Variants in ACOT7 observed in about 807,000 individuals in gnomAD.
ACOT7 encodes the protein cytosolic acyl coenzyme A thioester hydrolase.
A neutral mutation model predicts 40.2 loss-of-function variants in ACOT7; 12 were observed. That is an observed-to-expected ratio of 0.30 (90% CI 0.19 to 0.48). The LOEUF (loss-of-function observed/expected upper bound fraction) is 0.48. Ranked by LOEUF, ACOT7 falls within the 20% of genes least tolerant of loss-of-function variation. The pLI, the probability that ACOT7 is intolerant of heterozygous loss-of-function variation, is 0.99. For missense variants in ACOT7, 395 were observed against 530.8 expected, an observed-to-expected ratio of 0.74 and a Z score of 2.51; for synonymous variants, 228 against 219.5, an observed-to-expected ratio of 1.04 and a Z score of -0.34.
At position 6,369,145 on chromosome 1, in the gene ACOT7, A is replaced by G. The variant is rs529590652; in HGVS notation, c.144-19279T>C. Among the ~76,000 whole-genome samples, 130 of 151,750 alleles carry G rather than the reference A, an allele frequency of 8.6e-4. 1 individual carries two copies. Among genetic ancestry groups the G allele is most frequent in the African/African-American group, 3.1e-3 (129 of 41,400 alleles). ...ATTACACACACATGCCACCACATCT[A>G]GCTACGTTTTGTATTAGTAGAGACG... On this transcript the variant is annotated intron_variant, in intron 1 of 8. Transcript: ENST00000361521.
chr1:6,342,330 C>A (rs573135564), intron 2 of ACOT7, among the ~76,000 whole-genome samples: 1 of 152,228 alleles, frequency 6.6e-6, no homozygotes, highest in African/African-American at 2.4e-5. Flanking sequence ...GCCCCACCCC[C>A]TAATACCATC....
At position 6,282,987 on chromosome 1, in the gene ACOT7, C is replaced by T; in HGVS notation, c.830-1701G>A. 2.2e-6 allele frequency: 1 copy of T among 450,986 alleles called. No individual in the cohort carries two copies. The allele number at this position is 450,986 out of a possible 1,614,324, so 27.9% of individuals were successfully genotyped here. A position where few individuals can be genotyped will look rare whatever the true frequency, so the allele number is the denominator to read the frequency against. On this transcript the variant is annotated intron_variant, in intron 7 of 8. Transcript: ENST00000361521. The surrounding 1 kb of genome is among the most constrained non-coding windows in gnomAD (Gnocchi z 4.5). ...ATCCCTCACCAACAATTGTGTATAA[C>T]ACTTGGGAGTCACAGGCCAAAAAGC...
At chr1:6,366,019 C>A (rs1642002965) in intron 1 of ACOT7, among the ~76,000 whole-genome samples, 1 of 151,682 alleles carries the variant, frequency 6.6e-6, no homozygotes, top group Non-Finnish European at 1.5e-5. Context: ...CTCAGCCTCC[C>A]AAGTAGCTAG....
At chr1:6,332,904 A>C (rs1641000145) in intron 4 of ACOT7, among the ~76,000 whole-genome samples, 1 of 152,220 alleles carries the variant, frequency 6.6e-6, no homozygotes, top group South Asian at 2.1e-4. Context: ...GAAATGAGAG[A>C]AACACAGAGA....
At chr1:6,366,411 TG>T (rs1233404783) in intron 1 of ACOT7, among the ~76,000 whole-genome samples, 1 of 151,834 alleles carries the variant, frequency 6.6e-6, no homozygotes, top group Non-Finnish European at 1.5e-5. Context: ...AAGGAGATGC[TG>T]TCTCTAAAAA....
intron 1 of ACOT7, among the ~76,000 whole-genome samples, chr1:6,353,470 C>T (rs1641653603): frequency 6.6e-6 from 1 of 152,136 alleles, no homozygotes; most frequent in Admixed American, 6.5e-5. Flanking sequence ...CCCATCTCTA[C>T]TAAAAATACA....
At chr1:6,354,800 C>G (rs1321403752) in intron 1 of ACOT7, among the ~76,000 whole-genome samples, 1 of 115,058 alleles carries the variant, frequency 8.7e-6, no homozygotes, top group Non-Finnish European at 1.8e-5. Context: ...ACACTGGCCT[C>G]TAGCCCTCCC....
rs1276632641 is a variant in ACOT7, at chr1:6,350,000, G to A, written c.144-134C>T. ...GGAAAGAGAACCTTCCCAATGTTTG[G>A]GCTCTTCCTAGGTGGTGTGTTCGTC... On this transcript the variant is annotated intron_variant, in intron 1 of 8. Coordinates refer to ENST00000361521, the MANE Select transcript of ACOT7 (RefSeq NM_007274.4). 9.2e-6 allele frequency: 8 copies of A among 866,734 alleles called. No homozygotes were observed. The East Asian group carries it at 2.1e-4, about 22-fold the overall frequency. The allele number at this position is 866,734 out of a possible 1,614,324, so 53.7% of individuals were successfully genotyped here.
At chr1:6,348,335 TAC>T (rs149269586) in intron 2 of ACOT7, among the ~76,000 whole-genome samples, 12,234 of 150,250 alleles carry the variant, frequency 0.081, 1,138 homozygotes, top group African/African-American at 0.23. Flanking sequence ...CATACGCAGA[TAC>T]ACACACACAC....
At chr1:6,304,061 C>A (rs894238187) in intron 6 of ACOT7, among the ~76,000 whole-genome samples, 3 of 152,194 alleles carry the variant, frequency 2.0e-5, no homozygotes, top group African/African-American at 4.8e-5. Context: ...CACGAGCCCC[C>A]AGGCCCACCC....
chr1:6,327,155 G>A (rs916732657), intron 5 of ACOT7, 144 bp downstream of exon 5: 4 of 812,406 alleles, frequency 4.9e-6, no homozygotes, highest in Admixed American at 2.4e-5. Flanking sequence ...CCTCCCTGGG[G>A]ACCCCAGAGA....
intron 7 of ACOT7, among the ~76,000 whole-genome samples, chr1:6,283,920 A>C (rs1339348965): frequency 1.3e-5 from 2 of 152,226 alleles, no homozygotes; most frequent in African/African-American, 4.8e-5. Context: ...GTTTGAGCCC[A>C]GGAGGTCGAG....
Position 6,275,293 on chromosome 1 carries a change from C to A in ACOT7, c.1014+5809G>T, listed in dbSNP as rs1023721263. On this transcript the variant is annotated intron_variant, in intron 8 of 8. Coordinates refer to ENST00000361521, the MANE Select transcript of ACOT7 (RefSeq NM_007274.4). This position sits in a 1 kb window ranked among gnomAD's most constrained non-coding sequence, Gnocchi z 5.6. ...ATGGCCCCCGGCCTGGTAGGGCTCC[C>A]TCAACCTGAAGGAGCCCAAGGGTCT... Among the ~76,000 whole-genome samples the A allele has an allele frequency of 2.0e-5, 3 of 152,224 alleles. No individual in the cohort carries two copies. Among genetic ancestry groups the A allele is most frequent in the African/African-American group, 7.2e-5 (3 of 41,468 alleles).
At chr1:6,335,588 G>A (rs1453282018) in intron 3 of ACOT7, among the ~76,000 whole-genome samples, 1 of 152,176 alleles carries the variant, frequency 6.6e-6, no homozygotes, top group Non-Finnish European at 1.5e-5. Flanking sequence ...AGGGAGACAG[G>A]AGCAGCCCCA....
intron 6 of ACOT7, among the ~76,000 whole-genome samples, chr1:6,305,262 C>A (rs1212346097): frequency 2.8e-5 from 4 of 143,482 alleles, no homozygotes; most frequent in South Asian, 2.2e-4. Flanking sequence ...ACCCCCCCAC[C>A]TCCCTCCCGG....
At position 6,294,459 on chromosome 1, in the gene ACOT7, G is replaced by T. The variant is rs61646672; in HGVS notation, c.829+405C>A. ...GGGCTGGCCGAGGAGGGGCTCCTGC[G>T]GGCTTTTCTGTACTGACCCTGCCAC... On this transcript the variant is annotated intron_variant, in intron 7 of 8. Coordinates refer to ENST00000361521, the MANE Select transcript of ACOT7 (RefSeq NM_007274.4). The surrounding 1 kb of genome is among the most constrained non-coding windows in gnomAD (Gnocchi z 4.6). Among the ~76,000 whole-genome samples, 1,518 of 152,304 alleles carry T rather than the reference G, an allele frequency of 1.0e-2. 23 individuals carry two copies. The highest frequency in any genetic ancestry group is 0.035 in the African/African-American group (1,445 of 41,560).
At chr1:6,320,867 G>A (rs1256850412) in intron 5 of ACOT7, among the ~76,000 whole-genome samples, 2 of 152,256 alleles carry the variant, frequency 1.3e-5, no homozygotes, top group Non-Finnish European at 2.9e-5. Flanking sequence ...CATGCATGCA[G>A]TCTTCTCCAT....
intron 1 of ACOT7, among the ~76,000 whole-genome samples, chr1:6,362,493 AC>A (rs1414535241): frequency 6.6e-6 from 1 of 151,938 alleles, no homozygotes; most frequent in African/African-American, 2.4e-5. Context: ...TCCCTCCCAT[AC>A]CTACCCAGGC....
chr1:6,388,760 C>T (rs930754426), intron 1 of ACOT7, among the ~76,000 whole-genome samples: 10 of 140,398 alleles, frequency 7.1e-5, no homozygotes, highest in Admixed American at 2.2e-4. Context: ...AAAAAAAGGC[C>T]GGGTGCGGTG....
Sources: allele counts gnomAD v4.1 joint callset (sites outside exome capture counted in the v4.1 genomes callset), GRCh38; gene constraint gnomAD v4.1.1; non-coding constraint Gnocchi (gnomAD v3.1); transcripts MANE v1.5; gene names NCBI Gene and HGNC (gene_info 2026-07-23, HGNC 2026-07-21).